The following CD2AP variants were observed in gnomAD, a reference collection of about 807,000 sequenced individuals.
CD2AP encodes CD2-associated protein.
CD2AP carries 46 observed loss-of-function variants against 85.1 expected under a neutral mutation model. That is an observed-to-expected ratio of 0.54 (90% CI 0.43 to 0.69). The LOEUF (loss-of-function observed/expected upper bound fraction) is 0.69, where lower values mean the gene tolerates loss of function less well. Among genes scored for constraint, CD2AP ranks in the 30% least tolerant of loss-of-function variants. CD2AP has a pLI of 0.00. For synonymous variants in CD2AP, 255 were observed against 252.9 expected, an observed-to-expected ratio of 1.01 and a Z score of -0.08; for missense variants, 769 against 729.5, an observed-to-expected ratio of 1.05 and a Z score of -0.62.
At chr6:47,543,762 T>C (rs537333259) in intron 3 of CD2AP, among the ~76,000 whole-genome samples, 47 of 152,296 alleles carry the variant, frequency 3.1e-4, no homozygotes, top group African/African-American at 9.4e-4. Context: ...GCCAGACACA[T>C]TGGGTGTTAG....
intron 16 of CD2AP, among the ~76,000 whole-genome samples, chr6:47,610,408 G>A (rs114677958): frequency 0.03 from 4,562 of 152,172 alleles, 102 homozygotes; most frequent in South Asian, 0.077. Context: ...TGGTACAAAA[G>A]TTATGGCCAA....
At chr6:47,482,318 C>T (rs1055639445) in intron 1 of CD2AP, among the ~76,000 whole-genome samples, 3 of 151,220 alleles carry the variant, frequency 2.0e-5, no homozygotes, top group African/African-American at 7.3e-5. Flanking sequence ...TGAAAATTCA[C>T]ATTTATAATA....
intron 5 of CD2AP, among the ~76,000 whole-genome samples, chr6:47,563,240 C>A (rs1767907789): frequency 6.6e-6 from 1 of 152,086 alleles, no homozygotes. Context: ...AGGGGGAAGA[C>A]AAATGTGAAG....
At chr6:47,615,511 A>T (rs949328239) in intron 17 of CD2AP, among the ~76,000 whole-genome samples, 7 of 152,104 alleles carry the variant, frequency 4.6e-5, no homozygotes, top group African/African-American at 1.7e-4. Flanking sequence ...AGGAGCACAC[A>T]GTTCATGTGG....
intron 1 of CD2AP, among the ~76,000 whole-genome samples, chr6:47,486,656 C>G (rs1399201333): frequency 6.6e-6 from 1 of 152,168 alleles, no homozygotes; most frequent in Non-Finnish European, 1.5e-5. Flanking sequence ...CTGATCCTTT[C>G]AGATGTGTAC....
chr6:47,607,400 A>G (rs909428307), intron 14 of CD2AP, among the ~76,000 whole-genome samples: 1 of 151,968 alleles, frequency 6.6e-6, no homozygotes, highest in African/African-American at 2.4e-5. Flanking sequence ...TAATGATTGT[A>G]CTCATTTACA....
chr6:47,571,903 G>T (rs2114093056), intron 5 of CD2AP, among the ~76,000 whole-genome samples: 1 of 152,078 alleles, frequency 6.6e-6, no homozygotes, highest in South Asian at 2.1e-4. Context: ...TAACTTACCT[G>T]CTTGCCAGAA....
intron 17 of CD2AP, among the ~76,000 whole-genome samples, chr6:47,616,575 A>G (rs1322547772): frequency 1.3e-5 from 2 of 152,128 alleles, no homozygotes; most frequent in African/African-American, 4.8e-5. Context: ...ATTATCCTCT[A>G]TTGGCAACTT....
intron 1 of CD2AP, among the ~76,000 whole-genome samples, chr6:47,485,224 A>G (rs1019080680): frequency 1.7e-4 from 26 of 152,166 alleles, no homozygotes; most frequent in African/African-American, 6.3e-4. Flanking sequence ...CAGGTCCTTC[A>G]GGGGGTATTC....
chr6:47,611,864 G>A (rs1769450126), intron 16 of CD2AP, among the ~76,000 whole-genome samples: 1 of 151,894 alleles, frequency 6.6e-6, no homozygotes, highest in African/African-American at 2.4e-5. Flanking sequence ...CATGAAAATG[G>A]TTTAAAATTT....
At chr6:47,545,704 GAC>G (rs1462542512) in intron 4 of CD2AP, among the ~76,000 whole-genome samples, 1 of 152,164 alleles carries the variant, frequency 6.6e-6, no homozygotes, top group Non-Finnish European at 1.5e-5. Context: ...ACTCTGTGCA[GAC>G]AACCCCCAGT....
intron 2 of CD2AP, among the ~76,000 whole-genome samples, chr6:47,516,762 C>G (rs527598582): frequency 6.6e-6 from 1 of 152,036 alleles, no homozygotes; most frequent in African/African-American, 2.4e-5. Context: ...AGTTAGAAAA[C>G]AGGACAGTGG....
At chr6:47,539,447 T>A (rs1179354466) in intron 3 of CD2AP, among the ~76,000 whole-genome samples, 2 of 152,134 alleles carry the variant, frequency 1.3e-5, no homozygotes, top group Non-Finnish European at 2.9e-5. Context: ...GTATATGGTA[T>A]TTTTGAGGAG....
intron 2 of CD2AP, 130 bp from the exon 3 acceptor site, chr6:47,533,472 A>G (rs1037381797): frequency 5.7e-6 from 5 of 872,684 alleles, no homozygotes; most frequent in Non-Finnish European, 8.8e-6. Flanking sequence ...GAGCAGAGCA[A>G]AGGTTGGAAA....
intron 2 of CD2AP, among the ~76,000 whole-genome samples, chr6:47,504,807 T>G (rs1766088001): frequency 6.6e-6 from 1 of 152,166 alleles, no homozygotes; most frequent in African/African-American, 2.4e-5. Context: ...AAGTTATGTT[T>G]ACATTATACT....
chr6:47,508,486 A>G (rs920167557), intron 2 of CD2AP, among the ~76,000 whole-genome samples: 2 of 152,000 alleles, frequency 1.3e-5, no homozygotes, highest in South Asian at 2.1e-4. Context: ...AGCTTAGGGA[A>G]AAGTTGTGGC....
Position 47,581,995 on chromosome 6 carries a change from T to C in CD2AP, c.1046-8T>C. The stretch of plus-strand genomic sequence containing the variant: ...TTCTTAAAAAAGTATTAATGTTTTT[T>C]CCCATAGCTCCAAAGCCTGAACTGA... On this transcript the variant is annotated splice_region_variant and splice_polypyrimidine_tract_variant and intron_variant, in intron 10 of 17. Transcript: ENST00000359314. 1 of 1,587,592 alleles carries C rather than the reference T, an allele frequency of 6.3e-7. No homozygotes were observed. Among genetic ancestry groups the C allele is most frequent in the East Asian group, 2.2e-5 (1 of 44,626 alleles).
intron 3 of CD2AP, among the ~76,000 whole-genome samples, chr6:47,540,735 T>C (rs13201541): frequency 0.25 from 38,120 of 152,082 alleles, 5,490 homozygotes; most frequent in East Asian, 0.6. Context: ...TTAAGTCCAA[T>C]TTTAAGAGAT....
At chr6:47,601,415 A>G (rs1019434564) in intron 13 of CD2AP, among the ~76,000 whole-genome samples, 2 of 151,908 alleles carry the variant, frequency 1.3e-5, no homozygotes, top group Non-Finnish European at 2.9e-5. Context: ...TAATTATACT[A>G]CCTTTGGTGT....
Sources: gnomAD v4.1 joint callset for allele counts (sites outside exome capture counted in the v4.1 genomes callset) on GRCh38, gnomAD v4.1.1 for gene constraint, MANE v1.5 for transcripts, NCBI Gene and HGNC (gene_info 2026-07-23, HGNC 2026-07-21) for gene names.